The following MALRD1 variants were observed in gnomAD, a reference collection of about 807,000 sequenced individuals.
The protein encoded by MALRD1 is MAM and LDL receptor class A domain containing 1.
A neutral mutation model predicts 242.1 loss-of-function variants in MALRD1; 247 were observed. The ratio of observed to expected loss-of-function variants is 1.02; its 90% CI spans 0.92 to 1.13. The LOEUF (loss-of-function observed/expected upper bound fraction) is 1.13, where lower values mean the gene tolerates loss of function less well. Among genes scored for constraint, MALRD1 ranks in the 50% most tolerant of loss-of-function variants. MALRD1 has a pLI of 0.00. For missense variants in MALRD1, 2,989 were observed against 2,533.1 expected (o/e 1.18, Z -3.86); for synonymous variants, 995 against 866.6 (o/e 1.15, Z -2.60).
intron 26 of MALRD1, among the ~76,000 whole-genome samples, chr10:19,364,037 G>A (rs1300578930): frequency 6.6e-6 from 1 of 152,082 alleles, no homozygotes; most frequent in Non-Finnish European, 1.5e-5. Context: ...ATGATGGAAA[G>A]GATTGTGAAG....
chr10:19,057,267 T>A (rs1834696174), intron 1 of MALRD1, among the ~76,000 whole-genome samples: 1 of 152,220 alleles, frequency 6.6e-6, no homozygotes, highest in Admixed American at 6.5e-5. Context: ...GATTGATAGG[T>A]AACTAATTAC....
chr10:19,499,415 G>A (rs937972334), intron 31 of MALRD1, among the ~76,000 whole-genome samples: 2 of 150,142 alleles, frequency 1.3e-5, no homozygotes, highest in African/African-American at 4.9e-5. Flanking sequence ...TCATAATGTG[G>A]CCTCCTCCAA....
chr10:19,346,165 C>G (rs1844111918), intron 24 of MALRD1, among the ~76,000 whole-genome samples: 1 of 152,036 alleles, frequency 6.6e-6, no homozygotes, highest in African/African-American at 2.4e-5. Flanking sequence ...TTTTATCTGA[C>G]TTGGGATAAC....
At chr10:19,326,057 G>A (rs754515600) in intron 22 of MALRD1, among the ~76,000 whole-genome samples, 1 of 152,094 alleles carries the variant, frequency 6.6e-6, no homozygotes, top group Admixed American at 6.6e-5. Context: ...TATAATGTGA[G>A]ACTTCGTTCT....
Position 19,303,726 on chromosome 10 carries a change from A to G in MALRD1, c.3420-20223A>G, listed in dbSNP as rs536321855. On this transcript the variant is annotated intron_variant, in intron 21 of 39. Transcript: ENST00000454679. Reference sequence around the variant, plus strand: ...TCAACGTGTAATCAATATAAAGTTGAGATATTTATGTCTTTTTTAAAATAA... The same window carrying G: ...TCAACGTGTAATCAATATAAAGTTGGGATATTTATGTCTTTTTTAAAATAA... Among the ~76,000 whole-genome samples, 361 of 151,872 alleles carry G rather than the reference A, an allele frequency of 2.4e-3. 2 individuals carry two copies. The highest frequency in any genetic ancestry group is 6.8e-3 in the Middle Eastern group (2 of 294).
At chr10:19,557,000 G>A (rs189901643) in intron 32 of MALRD1, among the ~76,000 whole-genome samples, 1 of 152,054 alleles carries the variant, frequency 6.6e-6, no homozygotes, top group Middle Eastern at 3.2e-3. Flanking sequence ...AAGATGTTTA[G>A]TGTCATCCCA....
chr10:19,169,779 A>C (rs1834845694), intron 13 of MALRD1, among the ~76,000 whole-genome samples: 1 of 152,220 alleles, frequency 6.6e-6, no homozygotes, highest in Admixed American at 6.5e-5. Context: ...CAAATATTTA[A>C]AGTTTGTCTT....
intron 25 of MALRD1, among the ~76,000 whole-genome samples, chr10:19,349,984 A>G (rs1844301742): frequency 1.3e-5 from 2 of 152,170 alleles, no homozygotes; most frequent in African/African-American, 4.8e-5. Flanking sequence ...AAAATTAATG[A>G]TGAATGGTTC....
intron 18 of MALRD1, among the ~76,000 whole-genome samples, chr10:19,254,452 G>T (rs1839420639): frequency 6.6e-6 from 1 of 151,886 alleles, no homozygotes; most frequent in South Asian, 2.1e-4. Context: ...ATCTTCATTT[G>T]TCTTGAATAA....
chr10:19,263,153 C>A (rs1447882035), intron 19 of MALRD1, among the ~76,000 whole-genome samples: 1 of 152,158 alleles, frequency 6.6e-6, no homozygotes, highest in Non-Finnish European at 1.5e-5. Flanking sequence ...CCTGGATATA[C>A]ACCCAGAACT....
At chr10:19,576,489 A>G (rs868856137) in intron 33 of MALRD1, among the ~76,000 whole-genome samples, 10 of 152,228 alleles carry the variant, frequency 6.6e-5, no homozygotes, top group Admixed American at 1.3e-4. Context: ...GTTGTATAAT[A>G]TAGAGCAAAT....
chr10:19,581,351 C>A (rs1421225634), intron 33 of MALRD1, among the ~76,000 whole-genome samples: 1 of 144,666 alleles, frequency 6.9e-6, no homozygotes, highest in African/African-American at 2.5e-5. Context: ...GTATATCTCC[C>A]AATGCTATCC....
intron 38 of MALRD1, chr10:19,721,567 A>T (rs534453467): frequency 3.3e-5 from 5 of 152,226 alleles, no homozygotes; most frequent in Non-Finnish European, 7.3e-5. Flanking sequence ...AACAAATCAC[A>T]TACTTCACAA....
intron 29 of MALRD1, among the ~76,000 whole-genome samples, chr10:19,466,510 G>A (rs1295506369): frequency 6.6e-6 from 1 of 152,166 alleles, no homozygotes; most frequent in Admixed American, 6.5e-5. Context: ...AACAAGAGAA[G>A]TTAACTTTCT....
At chr10:19,294,319 A>C (rs1841591860) in intron 21 of MALRD1, among the ~76,000 whole-genome samples, 1 of 152,186 alleles carries the variant, frequency 6.6e-6, no homozygotes, top group African/African-American at 2.4e-5. Flanking sequence ...GGTAAATTAG[A>C]CTTGATTCCC....
intron 11 of MALRD1, among the ~76,000 whole-genome samples, chr10:19,148,782 A>ATATATATATATATAT (rs1363943174): frequency 2.7e-4 from 22 of 80,854 alleles, no homozygotes; most frequent in African/African-American, 9.4e-4. Flanking sequence ...TTAAAAAAAA[A>ATATATATATATATAT]AAAAAAATAT....
chr10:19,577,455 C>A (rs528490581), intron 33 of MALRD1, among the ~76,000 whole-genome samples: 1 of 152,242 alleles, frequency 6.6e-6, no homozygotes, highest in South Asian at 2.1e-4. Context: ...GCTTGTCAGC[C>A]TTTGGAGGAG....
At chr10:19,390,669 C>T (rs1846301556) in intron 28 of MALRD1, among the ~76,000 whole-genome samples, 1 of 146,076 alleles carries the variant, frequency 6.8e-6, no homozygotes, top group African/African-American at 2.5e-5. Context: ...GAGACCATTG[C>T]TTTTTTTTTT....
intron 18 of MALRD1, among the ~76,000 whole-genome samples, chr10:19,231,411 G>C (rs1031821900): frequency 6.6e-6 from 1 of 152,158 alleles, no homozygotes; most frequent in African/African-American, 2.4e-5. Flanking sequence ...GTTTTCATTA[G>C]GTTCTGGACA....
Sources: allele counts gnomAD v4.1 joint callset (sites outside exome capture counted in the v4.1 genomes callset), GRCh38; gene constraint gnomAD v4.1.1; transcripts MANE v1.5; gene names NCBI Gene and HGNC (gene_info 2026-07-23, HGNC 2026-07-21).